PDE3B: variants seen among roughly 807,000 people sequenced by gnomAD.
PDE3B encodes phosphodiesterase 3B.
Under a neutral mutation model 116.8 loss-of-function variants are expected in PDE3B, and 66 were observed. The observed-to-expected ratio is 0.56, with a 90% CI of 0.46 to 0.69. PDE3B has a LOEUF of 0.69. Ranked by LOEUF, PDE3B falls within the 30% of genes least tolerant of loss-of-function variation. The pLI, the probability that PDE3B is intolerant of heterozygous loss-of-function variation, is 0.00. For missense variants in PDE3B, 1,384 were observed against 1,368.1 expected (o/e 1.01, Z -0.18); for synonymous variants, 595 against 533.6 (o/e 1.12, Z -1.59).
intron 7 of PDE3B, among the ~76,000 whole-genome samples, chr11:14,819,839 G>T (rs370693234): frequency 6.6e-6 from 1 of 152,098 alleles, no homozygotes; most frequent in Non-Finnish European, 1.5e-5. Flanking sequence ...CCAAGAAAGT[G>T]AGCCTGGAGT....
chr11:14,713,422 A>G (rs1210252972), intron 1 of PDE3B, among the ~76,000 whole-genome samples: 2 of 152,148 alleles, frequency 1.3e-5, no homozygotes, highest in Non-Finnish European at 2.9e-5. Context: ...ACTCTCCCAC[A>G]TATAAGAGAG....
In PDE3B at chr11:14,832,974, G is replaced by A. The variant is rs137959730; in HGVS notation, c.2206+141G>A. The A allele has an allele frequency of 7.3e-4, 358 of 491,246 alleles. 1 individual carries two copies. The highest frequency in any genetic ancestry group is 6.5e-3 in the African/African-American group (315 of 48,264). 30.4% of individuals were successfully genotyped at this position (491,246 alleles called of 1,614,324 possible). On this transcript the variant is annotated intron_variant, in intron 10 of 15. Coordinates refer to ENST00000282096, the MANE Select transcript of PDE3B (RefSeq NM_000922.4). ...TTCTTTTTTTTTTTTCTTGAGACAA[G>A]AGTCTTGATCTTGTCGTCCAGGCTG...
chr11:14,713,526 A>G (rs1464922341), intron 1 of PDE3B, among the ~76,000 whole-genome samples: 1 of 152,122 alleles, frequency 6.6e-6, no homozygotes, highest in African/African-American at 2.4e-5. Flanking sequence ...CTGGGTCCCA[A>G]GCTTGCTGGC....
At chr11:14,703,097 A>T (rs1855421278) in intron 1 of PDE3B, among the ~76,000 whole-genome samples, 2 of 151,888 alleles carry the variant, frequency 1.3e-5, no homozygotes, top group African/African-American at 4.8e-5. Flanking sequence ...GAGGGAAGAT[A>T]GTCTTTTATA....
chr11:14,693,520 T>G (rs1293392380), intron 1 of PDE3B, among the ~76,000 whole-genome samples: 1 of 152,194 alleles, frequency 6.6e-6, no homozygotes, highest in African/African-American at 2.4e-5. Context: ...CTGAAAATCC[T>G]AGGGCCCTTA....
intron 1 of PDE3B, among the ~76,000 whole-genome samples, chr11:14,755,415 A>G (rs1351619814): frequency 6.6e-6 from 1 of 152,232 alleles, no homozygotes; most frequent in Non-Finnish European, 1.5e-5. Context: ...ATGACCTGCT[A>G]AAAGTCAGGA....
At chr11:14,838,467 T>A (rs1860129584) in intron 11 of PDE3B, among the ~76,000 whole-genome samples, 1 of 152,172 alleles carries the variant, frequency 6.6e-6, no homozygotes, top group African/African-American at 2.4e-5. Flanking sequence ...TTTGGATAGA[T>A]TTAAATAAAT....
intron 14 of PDE3B, among the ~76,000 whole-genome samples, chr11:14,863,124 G>C (rs1847980861): frequency 6.6e-6 from 1 of 151,988 alleles, no homozygotes; most frequent in South Asian, 2.1e-4. Flanking sequence ...TTATGAGTGA[G>C]AACATGCGGT....
intron 12 of PDE3B, among the ~76,000 whole-genome samples, chr11:14,856,746 C>T (rs1360852495): frequency 6.6e-6 from 1 of 151,578 alleles, no homozygotes; most frequent in East Asian, 1.9e-4. Flanking sequence ...CCCAGCTACT[C>T]GGGAGGCTGA....
At chr11:14,706,516 C>T (rs1033032887) in intron 1 of PDE3B, among the ~76,000 whole-genome samples, 3 of 151,822 alleles carry the variant, frequency 2.0e-5, no homozygotes, top group Non-Finnish European at 2.9e-5. Flanking sequence ...AAAGTGCGGG[C>T]ACATAGTAAC....
chr11:14,881,658 A>T, the PDE3B span, among the ~76,000 whole-genome samples: 450 of 152,164 alleles, frequency 3.0e-3, no homozygotes, highest in African/African-American at 0.01. Context: ...TCGCTCAGTT[A>T]ATGTGAGATC....
intron 1 of PDE3B, among the ~76,000 whole-genome samples, chr11:14,667,614 C>T (rs1308624843): frequency 6.7e-6 from 1 of 150,308 alleles, no homozygotes; most frequent in Non-Finnish European, 1.5e-5. Context: ...TGCATGTTCT[C>T]ACTGATAGGT....
intron 12 of PDE3B, among the ~76,000 whole-genome samples, chr11:14,854,355 C>G (rs925627963): frequency 2.0e-5 from 3 of 152,198 alleles, no homozygotes; most frequent in East Asian, 3.9e-4. Flanking sequence ...GTAAATTTCT[C>G]TCATTCTAGA....
At chr11:14,767,479 A>G (rs1857528311) in intron 1 of PDE3B, among the ~76,000 whole-genome samples, 1 of 151,528 alleles carries the variant, frequency 6.6e-6, no homozygotes, top group Non-Finnish European at 1.5e-5. Flanking sequence ...CCCTATTTTT[A>G]TCAATATCTT....
At chr11:14,724,246 A>C (rs1223810954) in intron 1 of PDE3B, among the ~76,000 whole-genome samples, 2 of 152,188 alleles carry the variant, frequency 1.3e-5, no homozygotes, top group Non-Finnish European at 2.9e-5. Flanking sequence ...GAATGGTGAA[A>C]AGATTTCCTA....
At position 14,718,760 on chromosome 11, in the gene PDE3B, G is replaced by A. The variant is rs1218062610; in HGVS notation, c.979-53177G>A. ...CACAACATACCAGAATCTCTGGGAC[G>A]CATTCAAAGCAGTGTGTAGAGGGAA... is the stretch of plus-strand genomic sequence containing the variant. On this transcript the variant is annotated intron_variant, in intron 1 of 15. Transcript: ENST00000282096. Among the ~76,000 whole-genome samples, 131 of 145,938 alleles carry A rather than the reference G, an allele frequency of 9.0e-4. No individual in the cohort carries two copies. The South Asian group carries it at 9.3e-3, about 10-fold the overall frequency.
At chr11:14,729,271 ATGTAT>A (rs1333951964) in intron 1 of PDE3B, among the ~76,000 whole-genome samples, 1 of 152,230 alleles carries the variant, frequency 6.6e-6, no homozygotes, top group African/African-American at 2.4e-5. Flanking sequence ...AATGACAGTA[ATGTAT>A]TGTGATTATT....
intron 1 of PDE3B, among the ~76,000 whole-genome samples, chr11:14,718,619 A>T (rs1855991505): frequency 2.0e-5 from 3 of 149,962 alleles, no homozygotes; most frequent in Admixed American, 2.0e-4. Flanking sequence ...TAAGAATCTC[A>T]CTCAAAACCG....
In PDE3B at chr11:14,869,844, G is replaced by T. The variant is rs1362314071; in HGVS notation, c.*184G>T. On this transcript the variant is annotated 3_prime_UTR_variant, in exon 16 of 16. Transcript: ENST00000282096. ...TTCCCACTCCTATGCACTTTCACAGGAACTAGAAAACTATTCTTAAACCAA... is the reference window on the plus strand; with the variant it reads ...TTCCCACTCCTATGCACTTTCACAGTAACTAGAAAACTATTCTTAAACCAA... 6 of 536,440 alleles carry T rather than the reference G, an allele frequency of 1.1e-5. No homozygotes were observed. Among genetic ancestry groups the T allele is most frequent in the South Asian group, 5.8e-5 (2 of 34,642 alleles). The allele number at this position is 536,440 out of a possible 1,614,324, so 33.2% of individuals were successfully genotyped here. A position where few individuals can be genotyped will look rare whatever the true frequency, so the allele number is the denominator to read the frequency against.
Sources: gnomAD v4.1 joint callset for allele counts (sites outside exome capture counted in the v4.1 genomes callset) on GRCh38, gnomAD v4.1.1 for gene constraint, MANE v1.5 for transcripts, NCBI Gene and HGNC (gene_info 2026-07-23, HGNC 2026-07-21) for gene names.